NLRP3: variants seen among roughly 807,000 people sequenced by gnomAD.
NLRP3 encodes the protein NLR family pyrin domain containing 3, also known as NACHT, LRR and PYD domains-containing protein 3.
NLRP3 carries 48 observed loss-of-function variants against 91.3 expected under a neutral mutation model. The ratio of observed to expected loss-of-function variants is 0.53; its 90% CI spans 0.42 to 0.67. The LOEUF is 0.67. Among genes scored for constraint, NLRP3 ranks in the 30% least tolerant of loss-of-function variants. The pLI is 0.00. For synonymous variants in NLRP3, 561 were observed against 507.9 expected, an observed-to-expected ratio of 1.10 and a Z score of -1.41; for missense variants, 982 against 1,276.9, an observed-to-expected ratio of 0.77 and a Z score of 3.52.
At chr1:247,419,982 G>T (rs1662338780) in intron 2 of NLRP3, among the ~76,000 whole-genome samples, 1 of 152,172 alleles carries the variant, frequency 6.6e-6, no homozygotes, top group Admixed American at 6.5e-5. Context: ...ATATTTTGAA[G>T]AACTGCTCTA....
intron 2 of NLRP3, 107 bp downstream of exon 2, chr1:247,419,184 T>C: frequency 1.3e-6 from 1 of 748,526 alleles, no homozygotes; most frequent in Non-Finnish European, 1.8e-6. Context: ...GAGACGGAGT[T>C]GCTCTTGTTG....
At chr1:247,431,043 A>G (rs1351911637) in intron 5 of NLRP3, among the ~76,000 whole-genome samples, 1 of 151,384 alleles carries the variant, frequency 6.6e-6, no homozygotes, top group Admixed American at 6.6e-5. Context: ...TTTATTAATA[A>G]TGTGCTTGCT....
chr1:247,444,801 CT>C lies in NLRP3; in HGVS notation c.2986del (p.Cys996AlafsTer21). ...TCTGTGAAGTGCTGAAACAGCAGAG[CT>C]GCCTCCTGCAGAACCTGGGGTGAGT... ...MFCEVLKQQSCLLQNLGLSEM... is the reference protein window; with the variant it reads ...MFCEVLKQQSXLLQNLGLSEM... On this transcript the variant is annotated frameshift_variant, in exon 9 of 10. Transcript: ENST00000336119. LOFTEE classifies it low-confidence loss of function (END_TRUNC). 6.2e-7 allele frequency: 1 copy of C among 1,614,036 alleles called. No homozygotes were observed. Among genetic ancestry groups the C allele is most frequent in the Non-Finnish European group, 8.5e-7 (1 of 1,180,024 alleles).
At chr1:247,426,911 G>T (rs1334847071) in intron 4 of NLRP3, among the ~76,000 whole-genome samples, 1 of 152,146 alleles carries the variant, frequency 6.6e-6, no homozygotes. Context: ...TGAGAGAGAG[G>T]GCAGGTGTGG....
At chr1:247,433,470 G>C (rs973460026) in intron 5 of NLRP3, among the ~76,000 whole-genome samples, 1 of 152,226 alleles carries the variant, frequency 6.6e-6, no homozygotes, top group Non-Finnish European at 1.5e-5. Flanking sequence ...TGTCTGGGGG[G>C]TGATCTCAAT....
chr1:247,417,994 G>A (rs1662175180), intron 1 of NLRP3, 59 bp from the exon 2 acceptor site: 1 of 152,212 alleles, frequency 6.6e-6, no homozygotes, highest in Admixed American at 6.5e-5. Flanking sequence ...GAAGCAAAGA[G>A]CCAGAGCCTT....
Position 247,424,847 on chromosome 1 carries a change from G to T in NLRP3, c.1398G>T (p.Gly466=). ...ACGGCCTCTGCGCCCACCTCTGGGG[G>T]CTCTGCTCTTTGGCTGCAGATGGAA... ...QEHGLCAHLW[G]LCSLAADGIW... The change falls in exon 4 of 10, where the codon GGG becomes GGT. Residue 466 remains glycine, a synonymous_variant. Transcript: ENST00000336119. This position sits in a 1 kb window ranked among gnomAD's most constrained non-coding sequence, Gnocchi z 8.1. 2 of 1,608,096 alleles carry T rather than the reference G, an allele frequency of 1.2e-6. No individual in the cohort carries two copies. The highest frequency in any genetic ancestry group is 1.7e-6 in the Non-Finnish European group (2 of 1,179,992).
chr1:247,429,024 C>G (rs902903043), intron 4 of NLRP3, among the ~76,000 whole-genome samples: 1 of 151,966 alleles, frequency 6.6e-6, no homozygotes, highest in African/African-American at 2.4e-5. Context: ...TCCCTAATAG[C>G]TGGGATGACA....
chr1:247,439,045 C>CATCCATCCATCCATCTATCCATCT (rs72082521), intron 7 of NLRP3, among the ~76,000 whole-genome samples: 1 of 150,376 alleles, frequency 6.6e-6, no homozygotes, highest in African/African-American at 2.5e-5. Context: ...TCCATCCATC[C>CATCCATCCATCCATCTATCCATCT]ATCCATCCAT....
chr1:247,425,210 C>T lies in NLRP3; in HGVS notation c.1761C>T (p.Thr587=). 1 of 1,614,114 alleles carries T rather than the reference C, an allele frequency of 6.2e-7. No homozygotes were observed. Among genetic ancestry groups the T allele is most frequent in the Non-Finnish European group, 8.5e-7 (1 of 1,180,020 alleles). The change falls in exon 4 of 10, where the codon ACC becomes ACT. Residue 587 remains threonine, a synonymous_variant. Coordinates refer to ENST00000336119, the MANE Select transcript of NLRP3 (RefSeq NM_001243133.2). The surrounding 1 kb of genome is among the most constrained non-coding windows in gnomAD (Gnocchi z 4.1). ...FLFGLVNQER[T]SYLEKKLSCK... is the part of the protein sequence containing the mutation. ...TTGGCCTGGTAAACCAGGAGAGGAC[C>T]TCCTACTTGGAGAAGAAATTAAGTT... is the stretch of plus-strand genomic sequence containing the variant.
intron 7 of NLRP3, among the ~76,000 whole-genome samples, chr1:247,437,168 A>G (rs1663853716): frequency 6.6e-6 from 1 of 152,194 alleles, no homozygotes; most frequent in African/African-American, 2.4e-5. Flanking sequence ...TGGGACCTCC[A>G]ATTTAGCTTT....
chr1:247,424,919 T>C lies in NLRP3; in HGVS notation c.1470T>C (p.His490=), dbSNP rs1662754774. ...TTGAGGAGTCCGACCTCAGGAATCATGGACTGCAGAAGGCGGATGTGTCTG... is the reference window on the plus strand; with the variant it reads ...TTGAGGAGTCCGACCTCAGGAATCACGGACTGCAGAAGGCGGATGTGTCTG... ...ILFEESDLRN[H]GLQKADVSAF... is the part of the protein sequence containing the mutation. The change falls in exon 4 of 10, where the codon CAT becomes CAC. Residue 490 remains histidine (H), a synonymous_variant. Transcript: ENST00000336119. This position sits in a 1 kb window ranked among gnomAD's most constrained non-coding sequence, Gnocchi z 8.1. 1 of 1,613,004 alleles carries C rather than the reference T, an allele frequency of 6.2e-7. No homozygotes were observed. The highest frequency in any genetic ancestry group is 8.5e-7 in the Non-Finnish European group (1 of 1,180,024).
chr1:247,418,928 A>G lies in NLRP3; in HGVS notation c.128A>G (p.Gln43Arg). 2 of 1,614,162 alleles carry G rather than the reference A, an allele frequency of 1.2e-6. No individual in the cohort carries two copies. Among genetic ancestry groups the G allele is most frequent in the Non-Finnish European group, 1.7e-6 (2 of 1,180,028 alleles). ...GGCTGCATCCCCCTCCCGAGGGGTC[A>G]GACAGAGAAGGCAGACCATGTGGAT... is the stretch of plus-strand genomic sequence containing the variant. ...QKGCIPLPRG[Q>R]TEKADHVDLA... is the part of the protein sequence containing the mutation. Residue 43 changes from glutamine to arginine, a missense_variant, in exon 2 of 10, where the codon CAG becomes CGG. Physicochemically the swap from Gln to Arg is conservative, Grantham distance 43 (BLOSUM62 1). Coordinates refer to ENST00000336119, the MANE Select transcript of NLRP3 (RefSeq NM_001243133.2).
chr1:247,418,636 G>C lies in NLRP3; in HGVS notation c.-165G>C, dbSNP rs113561993. Reference sequence around the variant, plus strand: ...TTTTCAAAATTAAAGATTTTGACTTGTTACAGTCATGTGACATTTTTTTCT... The same window carrying C: ...TTTTCAAAATTAAAGATTTTGACTTCTTACAGTCATGTGACATTTTTTTCT... On this transcript the variant is annotated 5_prime_UTR_variant, in exon 2 of 10. Coordinates refer to ENST00000336119, the MANE Select transcript of NLRP3 (RefSeq NM_001243133.2). 39 of 883,338 alleles carry C rather than the reference G, an allele frequency of 4.4e-5. No homozygotes were observed. In the African/African-American group the frequency reaches 6.1e-4, roughly 14 times the overall value. The allele number at this position is 883,338 out of a possible 1,614,324, so 54.7% of individuals were successfully genotyped here.
At chr1:247,443,469 T>A (rs1664369738) in intron 7 of NLRP3, among the ~76,000 whole-genome samples, 1 of 151,968 alleles carries the variant, frequency 6.6e-6, no homozygotes, top group South Asian at 2.1e-4. Flanking sequence ...AGCTACAGCT[T>A]AGAAGGTCAC....
At chr1:247,438,947 T>G (rs144784862) in intron 7 of NLRP3, among the ~76,000 whole-genome samples, 1 of 152,122 alleles carries the variant, frequency 6.6e-6, no homozygotes, top group East Asian at 1.9e-4. Context: ...TACAATAGAT[T>G]GTTATATAAT....
Position 247,418,831 on chromosome 1 carries a change from TACCTGGAGG to T in NLRP3, c.42_50del (p.Leu15_Asp17del). 1 of 1,613,694 alleles carries T rather than the reference TACCTGGAGG, an allele frequency of 6.2e-7. No homozygotes were observed. Among genetic ancestry groups the T allele is most frequent in the Non-Finnish European group, 8.5e-7 (1 of 1,179,986 alleles). On this transcript the variant is annotated inframe_deletion, in exon 2 of 10. Coordinates refer to ENST00000336119, the MANE Select transcript of NLRP3 (RefSeq NM_001243133.2). ...AAGCACCCGCTGCAAGCTGGCCAGG[TACCTGGAGG>T]ACCTGGAGGATGTGGACTTGAAGAA...
intron 1 of NLRP3, among the ~76,000 whole-genome samples, chr1:247,417,767 T>G (rs1270841030): frequency 7.2e-5 from 11 of 152,170 alleles, no homozygotes; most frequent in African/African-American, 2.7e-4. Flanking sequence ...ATTACAGGGA[T>G]GTATGTTTTT....
chr1:247,425,799 A>T lies in NLRP3; in HGVS notation c.2150+200A>T. The T allele has an allele frequency of 1.6e-6, 1 of 606,526 alleles. No individual in the cohort carries two copies. Among genetic ancestry groups the T allele is most frequent in the East Asian group, 2.8e-5 (1 of 35,876 alleles). The allele number at this position is 606,526 out of a possible 1,614,324, so 37.6% of individuals were successfully genotyped here. Reference sequence around the variant, plus strand: ...GGTGGATAAATGGGATGAGGAAAAAAAAAATAAAACAAGGAACAAATGTTT... The same window carrying T: ...GGTGGATAAATGGGATGAGGAAAAATAAAATAAAACAAGGAACAAATGTTT... On this transcript the variant is annotated intron_variant, in intron 4 of 9. Transcript: ENST00000336119. The surrounding 1 kb of genome is among the most constrained non-coding windows in gnomAD (Gnocchi z 4.1).
Sources: allele counts gnomAD v4.1 joint callset (sites outside exome capture counted in the v4.1 genomes callset), GRCh38; gene constraint gnomAD v4.1.1; non-coding constraint Gnocchi (gnomAD v3.1); transcripts MANE v1.5; gene names NCBI Gene and HGNC (gene_info 2026-07-23, HGNC 2026-07-21).